PTPN3: variants seen among roughly 807,000 people sequenced by gnomAD.
PTPN3 encodes the protein tyrosine-protein phosphatase non-receptor type 3.
In PTPN3, 96 loss-of-function variants were observed where a neutral mutation model predicts 132.7. That is an observed-to-expected ratio of 0.72 (90% CI 0.61 to 0.86). The LOEUF is 0.86. Among genes scored for constraint, PTPN3 ranks in the 40% least tolerant of loss-of-function variants. PTPN3 has a pLI of 0.00. For synonymous variants in PTPN3, 398 were observed against 429.0 expected (o/e 0.93, Z 0.89); for missense variants, 1,125 against 1,159.6 (o/e 0.97, Z 0.43).
intron 1 of PTPN3, among the ~76,000 whole-genome samples, chr9:109,497,810 C>T (rs546808690): frequency 1.3e-5 from 2 of 152,088 alleles, no homozygotes; most frequent in East Asian, 3.9e-4. Context: ...CGGCTAGCTC[C>T]CCGCGGGCTG....
At chr9:109,452,461 G>GTACA (rs995304700) in intron 5 of PTPN3, among the ~76,000 whole-genome samples, 1 of 151,740 alleles carries the variant, frequency 6.6e-6, no homozygotes, top group Non-Finnish European at 1.5e-5. Context: ...ACGTACACAT[G>GTACA]TACATACATA....
At chr9:109,393,882 G>C (rs1840347472) in intron 19 of PTPN3, among the ~76,000 whole-genome samples, 1 of 152,166 alleles carries the variant, frequency 6.6e-6, no homozygotes, top group Non-Finnish European at 1.5e-5. Context: ...GAACTCCCCA[G>C]AAGATAATTA....
At chr9:109,388,728 C>T (rs545272408) in intron 22 of PTPN3, among the ~76,000 whole-genome samples, 13 of 152,260 alleles carry the variant, frequency 8.5e-5, no homozygotes, top group African/African-American at 2.9e-4. Flanking sequence ...CATTGCTGGG[C>T]GGTGGGGGCT....
the PTPN3 span, among the ~76,000 whole-genome samples, chr9:109,507,835 C>G: frequency 6.6e-6 from 1 of 152,206 alleles, no homozygotes; most frequent in Admixed American, 6.5e-5. Flanking sequence ...TTCTTCATCC[C>G]TATGAAGTTC....
chr9:109,436,754 C>A, intron 9 of PTPN3, 129 bp downstream of exon 9: 2 of 1,347,908 alleles, frequency 1.5e-6, no homozygotes, highest in Non-Finnish European at 9.6e-7. Flanking sequence ...ACTTAATAAA[C>A]CTTCCAAATA....
the PTPN3 span, among the ~76,000 whole-genome samples, chr9:109,524,768 C>T: frequency 7.8e-4 from 119 of 152,286 alleles, no homozygotes; most frequent in African/African-American, 2.7e-3. Context: ...GATGGAGTCT[C>T]GCTCTGTCGC....
At position 109,404,473 on chromosome 9, in the gene PTPN3, CTT is replaced by C; in HGVS notation, c.1926_1927del (p.Ser643ArgfsTer8). The C allele has an allele frequency of 4.0e-6, 6 of 1,502,478 alleles. No homozygotes were observed. The highest frequency in any genetic ancestry group is 5.4e-6 in the Non-Finnish European group (6 of 1,108,882). 93.1% of individuals were successfully genotyped at this position (1,502,478 alleles called of 1,614,324 possible). ...CTCAAACTGGATCAGCACCGTCCCG[CTT>C]TCGAGGCCCTTCTTTAGCTGTGCCA... On this transcript the variant is annotated frameshift_variant, in exon 19 of 26. Transcript: ENST00000374541. LOFTEE classifies it high-confidence loss of function.
chr9:109,462,385 G>C (rs867650876), intron 2 of PTPN3, among the ~76,000 whole-genome samples: 2 of 152,360 alleles, frequency 1.3e-5, no homozygotes, highest in Middle Eastern at 6.8e-3. Flanking sequence ...GGGGTGTGCG[G>C]AAGACCCAGG....
chr9:109,501,433 G>GT (rs1161199618), upstream of PTPN3, among the ~76,000 whole-genome samples: 2 of 152,104 alleles, frequency 1.3e-5, no homozygotes, highest in Admixed American at 6.6e-5. Flanking sequence ...ATTTTGTAGG[G>GT]TTTTTTGCCT....
intron 10 of PTPN3, among the ~76,000 whole-genome samples, chr9:109,431,658 T>C (rs1374601518): frequency 1.3e-5 from 2 of 152,230 alleles, no homozygotes; most frequent in Non-Finnish European, 2.9e-5. Flanking sequence ...TTTTTTGGTT[T>C]TGGAAAATAG....
At chr9:109,505,524 C>T in the PTPN3 span, among the ~76,000 whole-genome samples, 1 of 152,232 alleles carries the variant, frequency 6.6e-6, no homozygotes, top group African/African-American at 2.4e-5. Flanking sequence ...AACAATCCTA[C>T]TGCCTTGGCC....
At chr9:109,513,340 A>G in the PTPN3 span, among the ~76,000 whole-genome samples, 1 of 152,100 alleles carries the variant, frequency 6.6e-6, no homozygotes, top group Non-Finnish European at 1.5e-5. Flanking sequence ...TTTCTTGTCC[A>G]TCCCATCCAC....
the PTPN3 span, among the ~76,000 whole-genome samples, chr9:109,510,570 A>T: frequency 0.13 from 9,510 of 74,250 alleles, 555 homozygotes; most frequent in East Asian, 0.43. Context: ...AAAAAAAAAA[A>T]AAAAAAATAT....
intron 1 of PTPN3, among the ~76,000 whole-genome samples, chr9:109,480,919 G>C (rs191633641): frequency 3.3e-5 from 5 of 152,288 alleles, no homozygotes; most frequent in Non-Finnish European, 5.9e-5. Flanking sequence ...TGGATGGATG[G>C]ATGGATGCAT....
intron 1 of PTPN3, among the ~76,000 whole-genome samples, chr9:109,475,118 A>G (rs902934298): frequency 1.3e-5 from 2 of 152,158 alleles, no homozygotes; most frequent in Non-Finnish European, 2.9e-5. Context: ...GTGCCCTGTA[A>G]GAGAGTGAGC....
At chr9:109,384,786 A>G (rs999377714) in intron 22 of PTPN3, among the ~76,000 whole-genome samples, 1 of 152,284 alleles carries the variant, frequency 6.6e-6, no homozygotes, top group African/African-American at 2.4e-5. Context: ...GTTGGGAAAC[A>G]GCCTCTCTAT....
At position 109,375,754 on chromosome 9, in the gene PTPN3, G is replaced by C. The variant is rs1327121490; in HGVS notation, c.*3802C>G. ...TAAATTGTTTTTCAGTAGAATCACT[G>C]ACAGAACAGGTCAGAATGAAAAACA... On this transcript the variant is annotated 3_prime_UTR_variant, in exon 26 of 26. Transcript: ENST00000374541. 6.6e-6 allele frequency: 1 copy of C among 152,194 alleles called. No homozygotes were observed. The highest frequency in any genetic ancestry group is 6.5e-5 in the Admixed American group (1 of 15,284). The allele number at this position is 152,194 out of a possible 1,614,324, so 9.4% of individuals were successfully genotyped here.
chr9:109,412,026 C>G (rs945197548), intron 14 of PTPN3, among the ~76,000 whole-genome samples: 1 of 152,144 alleles, frequency 6.6e-6, no homozygotes, highest in Non-Finnish European at 1.5e-5. Context: ...TTACAAAATT[C>G]CCCCCAAATA....
chr9:109,510,226 A>G, the PTPN3 span, among the ~76,000 whole-genome samples: 1 of 152,196 alleles, frequency 6.6e-6, no homozygotes, highest in Non-Finnish European at 1.5e-5. Context: ...AGGCTTATGA[A>G]CAGAAATGAG....
Sources: gnomAD v4.1 joint callset for allele counts (sites outside exome capture counted in the v4.1 genomes callset) on GRCh38, gnomAD v4.1.1 for gene constraint, MANE v1.5 for transcripts, NCBI Gene and HGNC (gene_info 2026-07-23, HGNC 2026-07-21) for gene names.